RAB40C: variants seen among roughly 807,000 people sequenced by gnomAD.
RAB40C encodes RAB40C, member RAS oncogene family.
A neutral mutation model predicts 28.1 loss-of-function variants in RAB40C; 8 were observed. That is an observed-to-expected ratio of 0.28 (90% CI 0.17 to 0.51). The LOEUF (loss-of-function observed/expected upper bound fraction) is 0.51, where lower values mean the gene tolerates loss of function less well. RAB40C is among the 20% of genes least tolerant of loss of function. RAB40C has a pLI of 0.97. For synonymous variants in RAB40C, 201 were observed against 171.7 expected, an observed-to-expected ratio of 1.17 and a Z score of -1.34; for missense variants, 288 against 405.9, an observed-to-expected ratio of 0.71 and a Z score of 2.50.
intron 1 of RAB40C, among the ~76,000 whole-genome samples, chr16:613,129 G>A (rs2036517007): frequency 8.0e-6 from 1 of 125,198 alleles, no homozygotes; most frequent in Non-Finnish European, 1.6e-5. Context: ...GCCCTGGCCT[G>A]TAGAATCAAG....
chr16:620,176 CG>C (rs1417113576), intron 3 of RAB40C, among the ~76,000 whole-genome samples: 1 of 152,208 alleles, frequency 6.6e-6, no homozygotes, highest in Non-Finnish European at 1.5e-5. Flanking sequence ...AGACAGATCA[CG>C]AGGTCAAGAG....
At chr16:595,955 G>A (rs948706359) in intron 1 of RAB40C, among the ~76,000 whole-genome samples, 3 of 152,188 alleles carry the variant, frequency 2.0e-5, no homozygotes, top group Admixed American at 6.5e-5. Context: ...AAATTTTCAG[G>A]AAACTGTTGA....
In RAB40C at chr16:627,864, C is replaced by T. The variant is rs1295399407; in HGVS notation, c.*242C>T. 1.5e-5 allele frequency: 7 copies of T among 463,944 alleles called. No individual in the cohort carries two copies. Among genetic ancestry groups the T allele is most frequent in the South Asian group, 1.1e-4 (2 of 17,824 alleles). 28.7% of individuals were successfully genotyped at this position (463,944 alleles called of 1,614,324 possible). On this transcript the variant is annotated 3_prime_UTR_variant, in exon 6 of 6. Transcript: ENST00000248139. The stretch of plus-strand genomic sequence containing the variant: ...CCGGGAATCTTGGTCGGAAACAAGC[C>T]GGGCCTCCCCAGCTGCCTGGGCTTG...
intron 1 of RAB40C, among the ~76,000 whole-genome samples, chr16:604,195 C>T (rs2036311220): frequency 1.3e-5 from 2 of 151,918 alleles, no homozygotes; most frequent in African/African-American, 4.8e-5. Flanking sequence ...GCTGGGACTA[C>T]AGGCATGTAC....
At chr16:615,980 G>A (rs1453539702) in intron 1 of RAB40C, among the ~76,000 whole-genome samples, 1 of 151,856 alleles carries the variant, frequency 6.6e-6, no homozygotes, top group Non-Finnish European at 1.5e-5. Context: ...AAAAAAGGCC[G>A]GGTGCAGTGG....
At chr16:618,171 C>T in intron 2 of RAB40C, 29 bp from the exon 3 acceptor site, 1 of 1,606,836 alleles carries the variant, frequency 6.2e-7, no homozygotes, top group East Asian at 2.2e-5. Flanking sequence ...GACCACAGTC[C>T]CGGCCCCTCC....
At chr16:625,589 C>G in intron 4 of RAB40C, 80 bp downstream of exon 4, 1 of 1,401,284 alleles carries the variant, frequency 7.1e-7, no homozygotes. Flanking sequence ...CTCTGGATTC[C>G]CGCCTGCCGC....
chr16:605,574 CGG>C (rs1177519697), intron 1 of RAB40C, among the ~76,000 whole-genome samples: 2 of 152,170 alleles, frequency 1.3e-5, no homozygotes, highest in Admixed American at 1.3e-4. Context: ...CTCCTGTGTC[CGG>C]CTGCCTTCTT....
intron 3 of RAB40C, among the ~76,000 whole-genome samples, chr16:623,373 G>A (rs2036761407): frequency 6.6e-6 from 1 of 152,200 alleles, no homozygotes; most frequent in African/African-American, 2.4e-5. Flanking sequence ...TGCTGGGCCG[G>A]GCGCGGTGGC....
At chr16:590,579 G>C (rs1463145755) in intron 1 of RAB40C, 146 bp downstream of exon 1, 2 of 1,121,744 alleles carry the variant, frequency 1.8e-6, no homozygotes, top group Non-Finnish European at 2.4e-6. Flanking sequence ...CGGTAGCTCG[G>C]TGGCTGCGGG....
chr16:625,261 G>T, intron 3 of RAB40C, 171 bp from the exon 4 acceptor site: 1 of 1,452,304 alleles, frequency 6.9e-7, no homozygotes, highest in Non-Finnish European at 9.1e-7. Context: ...AGGGGTGAGG[G>T]GCAGGGCTGC....
Position 609,723 on chromosome 16 carries a change from A to T in RAB40C, c.143-7485A>T, listed in dbSNP as rs544583724. On this transcript the variant is annotated intron_variant, in intron 1 of 5. Transcript: ENST00000248139. Reference sequence around the variant, plus strand: ...AAATTATAAATAAGCAGCACATTTTAAAAAAGCCATAGAAGGGCTAGAAAA... The same window carrying T: ...AAATTATAAATAAGCAGCACATTTTTAAAAAGCCATAGAAGGGCTAGAAAA... Among the ~76,000 whole-genome samples, 58 of 152,360 alleles carry T rather than the reference A, an allele frequency of 3.8e-4. 1 individual carries two copies. The highest frequency in any genetic ancestry group is 1.3e-3 in the African/African-American group (54 of 41,586).
intron 1 of RAB40C, among the ~76,000 whole-genome samples, chr16:606,762 T>C (rs1415366805): frequency 3.3e-5 from 5 of 152,230 alleles, no homozygotes; most frequent in African/African-American, 1.2e-4. Flanking sequence ...GCGGGTGAAG[T>C]CCCTCTCATG....
intron 3 of RAB40C, among the ~76,000 whole-genome samples, chr16:620,154 G>A: frequency 6.6e-6 from 1 of 152,240 alleles, no homozygotes; most frequent in East Asian, 1.9e-4. Context: ...CAGCACTTTG[G>A]GAGGCCAAGG....
chr16:614,599 C>T (rs568612334), intron 1 of RAB40C, among the ~76,000 whole-genome samples: 7 of 139,926 alleles, frequency 5.0e-5, no homozygotes, highest in Non-Finnish European at 1.1e-4. Flanking sequence ...TGGTGAACTG[C>T]CTAACTCTAC....
rs145769634 is a variant in RAB40C, at chr16:590,923, C to G, written c.142+490C>G. Among the ~76,000 whole-genome samples, 813 of 144,520 alleles carry G rather than the reference C, an allele frequency of 5.6e-3. 10 individuals are homozygous for G. Among genetic ancestry groups the G allele is most frequent in the African/African-American group, 0.02 (765 of 38,362 alleles). 94.8% of individuals were successfully genotyped at this position (144,520 alleles called of 152,430 possible). On this transcript the variant is annotated intron_variant, in intron 1 of 5. Transcript: ENST00000248139. ...GGGTCTGGGAGAAGGTGTCATAGGT[C>G]CGAGGGAAGGTGTCATGGGTCCAGG... is the stretch of plus-strand genomic sequence containing the variant.
chr16:599,207 C>G (rs540649319), intron 1 of RAB40C, among the ~76,000 whole-genome samples: 1 of 152,268 alleles, frequency 6.6e-6, no homozygotes, highest in Non-Finnish European at 1.5e-5. Context: ...GCCCCGGCCC[C>G]GGCCGAAGCT....
Position 625,055 on chromosome 16 carries a change from C to CG in RAB40C, c.265-371dup, listed in dbSNP as rs758104603. The CG allele has an allele frequency of 3.1e-6, 4 of 1,294,940 alleles. No homozygotes were observed. In the South Asian group the frequency reaches 4.9e-5, roughly 16 times the overall value. The allele number at this position is 1,294,940 out of a possible 1,614,324, so 80.2% of individuals were successfully genotyped here. A position where few individuals can be genotyped will look rare whatever the true frequency, so the allele number is the denominator to read the frequency against. On this transcript the variant is annotated intron_variant, in intron 3 of 5. Coordinates refer to ENST00000248139, the MANE Select transcript of RAB40C (RefSeq NM_021168.5). The stretch of plus-strand genomic sequence containing the variant: ...CACTCAGCTCTGTCCCAGGTACTCC[C>CG]GGGGGGATTCACTGATGGACTGGCC...
At chr16:597,018 G>A (rs1377587109) in intron 1 of RAB40C, among the ~76,000 whole-genome samples, 1 of 152,212 alleles carries the variant, frequency 6.6e-6, no homozygotes, top group Non-Finnish European at 1.5e-5. Flanking sequence ...CATTGGCGCT[G>A]TGGAGAGGTA....
Sources: gnomAD v4.1 joint callset for allele counts (sites outside exome capture counted in the v4.1 genomes callset) on GRCh38, gnomAD v4.1.1 for gene constraint, MANE v1.5 for transcripts, NCBI Gene and HGNC (gene_info 2026-07-23, HGNC 2026-07-21) for gene names.